Variants in PTGER3 observed in about 807,000 individuals in gnomAD.
PTGER3 encodes prostaglandin E2 receptor EP3 subtype.
PTGER3 carries 22 observed loss-of-function variants against 34.7 expected under a neutral mutation model. The ratio of observed to expected loss-of-function variants is 0.63; its 90% confidence interval spans 0.45 to 0.91. The LOEUF is 0.91. Ranked by LOEUF, PTGER3 falls within the 40% of genes least tolerant of loss-of-function variation. PTGER3 has a pLI of 0.00. For missense variants in PTGER3, 468 were observed against 519.4 expected (o/e 0.90, Z 0.96); for synonymous variants, 241 against 230.1 (o/e 1.05, Z -0.43).
intron 4 of PTGER3, among the ~76,000 whole-genome samples, chr1:70,937,084 G>A (rs1301353466): frequency 1.3e-5 from 2 of 152,122 alleles, no homozygotes; most frequent in Non-Finnish European, 2.9e-5. Context: ...CCCAAAACAA[G>A]GTTGGCGCCA....
At chr1:70,981,291 TCTTCCTTC>T (rs140006481) in intron 2 of PTGER3, among the ~76,000 whole-genome samples, 8,004 of 74,596 alleles carry the variant, frequency 0.11, 618 homozygotes, top group South Asian at 0.13. Context: ...TCTCTCTCTC[TCTTCCTTC>T]CTTCCTTCCT....
intron 4 of PTGER3, among the ~76,000 whole-genome samples, chr1:70,875,449 A>T (rs1162429985): frequency 2.6e-5 from 4 of 152,096 alleles, no homozygotes; most frequent in African/African-American, 9.7e-5. Flanking sequence ...AGAAGAATAC[A>T]ATTTCTTTTT....
intron 1 of PTGER3, among the ~76,000 whole-genome samples, chr1:71,025,097 G>T (rs1382066209): frequency 3.2e-4 from 37 of 115,708 alleles, no homozygotes; most frequent in African/African-American, 1.2e-3. Context: ...CCACAGGAAG[G>T]GGAACATCAT....
intron 4 of PTGER3, among the ~76,000 whole-genome samples, chr1:70,938,619 G>T (rs1357898580): frequency 6.6e-6 from 1 of 152,112 alleles, no homozygotes; most frequent in Admixed American, 6.6e-5. Context: ...CATGGCTGGG[G>T]AGGCTTCAGA....
At chr1:71,001,450 T>C (rs1310146630) in intron 2 of PTGER3, among the ~76,000 whole-genome samples, 1 of 152,118 alleles carries the variant, frequency 6.6e-6, no homozygotes, top group Non-Finnish European at 1.5e-5. Context: ...ATTCAAGGAT[T>C]TTGCAATTTG....
intron 2 of PTGER3, among the ~76,000 whole-genome samples, chr1:71,002,917 T>C (rs1656620445): frequency 6.6e-6 from 1 of 152,232 alleles, no homozygotes; most frequent in African/African-American, 2.4e-5. Context: ...ACTTGTAATG[T>C]CATGCACATA....
chr1:70,923,213 T>A (rs1647721033), intron 4 of PTGER3, among the ~76,000 whole-genome samples: 1 of 152,028 alleles, frequency 6.6e-6, no homozygotes, highest in African/African-American at 2.4e-5. Context: ...TGCTTGGTTT[T>A]TTTTTTTGGC....
chr1:70,893,212 A>G (rs916219042), intron 4 of PTGER3, among the ~76,000 whole-genome samples: 8 of 152,134 alleles, frequency 5.3e-5, no homozygotes, highest in African/African-American at 1.9e-4. Context: ...ATCTAGCCTA[A>G]TTTTCTAATA....
At position 70,979,565 on chromosome 1, in the gene PTGER3, G is replaced by A. The variant is rs186969469; in HGVS notation, c.1078-5177C>T. 2.1e-3 allele frequency among the ~76,000 whole-genome samples: 320 copies of A among 152,034 alleles called. 2 individuals carry two copies. Among genetic ancestry groups the A allele is most frequent in the South Asian group, 0.015 (72 of 4,808 alleles). On this transcript the variant is annotated intron_variant, in intron 2 of 3. Coordinates refer to ENST00000306666, the MANE Select transcript of PTGER3 (RefSeq NM_198719.2). ...GGGTGTGAGCCATCATTTCTAGTCC[G>A]GGGCCTGCTATATCACACTAACAAC...
At chr1:71,014,060 A>G (rs1657679151) in intron 1 of PTGER3, among the ~76,000 whole-genome samples, 1 of 152,226 alleles carries the variant, frequency 6.6e-6, no homozygotes, top group Non-Finnish European at 1.5e-5. Flanking sequence ...ATATTATTCA[A>G]ATTAATGTCA....
chr1:70,906,195 C>T (rs1646944793), intron 4 of PTGER3, among the ~76,000 whole-genome samples: 2 of 152,132 alleles, frequency 1.3e-5, no homozygotes, highest in Admixed American at 1.3e-4. Context: ...TGTAAATTTC[C>T]CAGTCTCAGT....
chr1:70,858,832 C>T (rs758891018), intron 4 of PTGER3, among the ~76,000 whole-genome samples: 3 of 152,016 alleles, frequency 2.0e-5, no homozygotes, highest in African/African-American at 2.4e-5. Flanking sequence ...CAGAGTTATT[C>T]GTTGAACAAA....
chr1:70,991,465 GA>G (rs1417242647), intron 2 of PTGER3, among the ~76,000 whole-genome samples: 1 of 152,148 alleles, frequency 6.6e-6, no homozygotes, highest in Non-Finnish European at 1.5e-5. Context: ...AGGGTATAGA[GA>G]ATATATGTGG....
At chr1:70,929,462 A>G (rs943596357) in intron 4 of PTGER3, among the ~76,000 whole-genome samples, 2 of 152,208 alleles carry the variant, frequency 1.3e-5, no homozygotes, top group Admixed American at 1.3e-4. Flanking sequence ...AACACTTAGT[A>G]AAATATTGAC....
intron 4 of PTGER3, among the ~76,000 whole-genome samples, chr1:70,877,011 T>C (rs920126316): frequency 8.5e-5 from 13 of 152,358 alleles, no homozygotes; most frequent in African/African-American, 2.6e-4. Context: ...GGTAGTTTGA[T>C]AGAAATTGCA....
intron 4 of PTGER3, among the ~76,000 whole-genome samples, chr1:70,896,143 T>G (rs1208851799): frequency 4.6e-5 from 7 of 152,226 alleles, no homozygotes; most frequent in Non-Finnish European, 7.3e-5. Context: ...TGTCCTTACT[T>G]AATTAAATTA....
At chr1:70,948,620 G>A (rs549214837), downstream of PTGER3, among the ~76,000 whole-genome samples, 12 of 152,196 alleles carry the variant, frequency 7.9e-5, no homozygotes, top group Admixed American at 3.3e-4. Flanking sequence ...TGAGTCTCAC[G>A]TGCATAATAA....
chr1:70,982,725 G>A (rs1281257883), intron 2 of PTGER3, among the ~76,000 whole-genome samples: 16 of 152,062 alleles, frequency 1.1e-4, no homozygotes, highest in Non-Finnish European at 1.5e-5. Context: ...GGACATCTAT[G>A]CAAGGGAGCA....
chr1:70,902,146 A>G (rs1044455585), intron 4 of PTGER3, among the ~76,000 whole-genome samples: 2 of 152,242 alleles, frequency 1.3e-5, no homozygotes, highest in African/African-American at 4.8e-5. Context: ...TTTAAAAATA[A>G]CAATAATTAC....
Sources: gnomAD v4.1 joint callset for allele counts (sites outside exome capture counted in the v4.1 genomes callset) on GRCh38, gnomAD v4.1.1 for gene constraint, MANE v1.5 for transcripts, NCBI Gene and HGNC (gene_info 2026-07-23, HGNC 2026-07-21) for gene names.